Variants in LPAR3 observed in about 807,000 individuals in gnomAD.
LPAR3 encodes LPA receptor 3.
In LPAR3, 7 loss-of-function variants were observed where a neutral mutation model predicts 17.8. The observed-to-expected ratio is 0.39, with a 90% CI of 0.22 to 0.74. The LOEUF (loss-of-function observed/expected upper bound fraction) is 0.74, where lower values mean the gene tolerates loss of function less well. Ranked by LOEUF, LPAR3 falls within the 30% of genes least tolerant of loss-of-function variation. LPAR3 has a pLI of 0.40. For synonymous variants in LPAR3, 179 were observed against 179.9 expected, an observed-to-expected ratio of 0.99 and a Z score of 0.04; for missense variants, 391 against 453.4, an observed-to-expected ratio of 0.86 and a Z score of 1.25.
At chr1:84,863,843 T>A (rs1659987655) in intron 2 of LPAR3, among the ~76,000 whole-genome samples, 1 of 152,204 alleles carries the variant, frequency 6.6e-6, no homozygotes, top group Non-Finnish European at 1.5e-5. Context: ...TCATCTTGGT[T>A]AATGACATTC....
intron 2 of LPAR3, among the ~76,000 whole-genome samples, chr1:84,855,969 G>A (rs1279270852): frequency 6.6e-6 from 1 of 152,160 alleles, no homozygotes; most frequent in Non-Finnish European, 1.5e-5. Flanking sequence ...TTTTTAATTT[G>A]AAGCTGTCTT....
chr1:84,887,184 G>T (rs1024498222), intron 1 of LPAR3, among the ~76,000 whole-genome samples: 1 of 150,696 alleles, frequency 6.6e-6, no homozygotes, highest in Admixed American at 6.6e-5. Flanking sequence ...GGGCACCATG[G>T]TGAAACCAAC....
intron 1 of LPAR3, among the ~76,000 whole-genome samples, chr1:84,874,095 G>C (rs1324906163): frequency 2.0e-5 from 3 of 152,182 alleles, no homozygotes; most frequent in African/African-American, 7.2e-5. Flanking sequence ...AAATTGCTCT[G>C]ATCTGGATCC....
intron 2 of LPAR3, among the ~76,000 whole-genome samples, chr1:84,819,248 T>C (rs1570854580): frequency 6.6e-6 from 1 of 152,204 alleles, no homozygotes; most frequent in African/African-American, 2.4e-5. Context: ...TAACCCTCTC[T>C]TGAGAATAGC....
rs56944245 is a variant in LPAR3 at position 84,891,725 on chromosome 1, T to C, written c.-19+1291A>G. Among the ~76,000 whole-genome samples, 976 of 152,240 alleles carry C rather than the reference T, an allele frequency of 6.4e-3. 9 individuals carry two copies. Among genetic ancestry groups the C allele is most frequent in the African/African-American group, 0.022 (916 of 41,534 alleles). On this transcript the variant is annotated intron_variant, in intron 1 of 2. Transcript: ENST00000370611. ...GTACATGGAATTTGTAAAGAGGAGA[T>C]TGATTGTCTGTCTGTAATTGACATT...
chr1:84,888,253 G>A (rs1012822798), intron 1 of LPAR3, among the ~76,000 whole-genome samples: 1 of 151,934 alleles, frequency 6.6e-6, no homozygotes, highest in Non-Finnish European at 1.5e-5. Context: ...CTAATGCCAT[G>A]GAGACATAGA....
intron 2 of LPAR3, among the ~76,000 whole-genome samples, chr1:84,827,380 G>C (rs111528521): frequency 7.1e-4 from 108 of 152,158 alleles, no homozygotes; most frequent in African/African-American, 2.6e-3. Flanking sequence ...ATGGGGGTAG[G>C]GGTTGTTAAA....
At chr1:84,868,936 G>A (rs1429255052) in intron 1 of LPAR3, among the ~76,000 whole-genome samples, 1 of 152,076 alleles carries the variant, frequency 6.6e-6, no homozygotes, top group African/African-American at 2.4e-5. Context: ...CAATTATTAT[G>A]TGTCTTTTCT....
intron 1 of LPAR3, among the ~76,000 whole-genome samples, chr1:84,887,475 A>T (rs1475905012): frequency 6.6e-6 from 1 of 152,160 alleles, no homozygotes; most frequent in Non-Finnish European, 1.5e-5. Flanking sequence ...GTACAGGTTT[A>T]ATGAGGAACA....
At chr1:84,892,197 T>C (rs1217271722) in intron 1 of LPAR3, among the ~76,000 whole-genome samples, 1 of 150,016 alleles carries the variant, frequency 6.7e-6, no homozygotes, top group East Asian at 2.0e-4. Context: ...CGGATGATAG[T>C]GCGAGACTGT....
intron 2 of LPAR3, among the ~76,000 whole-genome samples, chr1:84,850,232 T>G (rs1235936157): frequency 6.6e-6 from 1 of 151,750 alleles, no homozygotes; most frequent in Non-Finnish European, 1.5e-5. Flanking sequence ...CCCTCCCATG[T>G]AACCAGCCAC....
chr1:84,879,309 C>CTTTTTTTTTTTT (rs1199196149), intron 1 of LPAR3, among the ~76,000 whole-genome samples: 1 of 73,504 alleles, frequency 1.4e-5, no homozygotes, highest in African/African-American at 8.2e-5. Flanking sequence ...CTTTTCTTTT[C>CTTTTTTTTTTTT]TTTTTTCTTT....
chr1:84,835,466 C>T (rs547602095), intron 2 of LPAR3, among the ~76,000 whole-genome samples: 17 of 152,084 alleles, frequency 1.1e-4, no homozygotes, highest in African/African-American at 2.9e-4. Context: ...CGTGTGTGTA[C>T]GTGTGTGTAC....
chr1:84,875,634 T>C (rs1660242254), intron 1 of LPAR3, among the ~76,000 whole-genome samples: 1 of 152,254 alleles, frequency 6.6e-6, no homozygotes. Flanking sequence ...TTATTTTCTT[T>C]ATAAATTACC....
intron 1 of LPAR3, among the ~76,000 whole-genome samples, chr1:84,880,925 T>C (rs974168105): frequency 3.3e-5 from 5 of 152,226 alleles, no homozygotes; most frequent in African/African-American, 1.2e-4. Flanking sequence ...ACCATGGAAC[T>C]GACTCCACTG....
chr1:84,871,023 A>T (rs1570898477), intron 1 of LPAR3, among the ~76,000 whole-genome samples: 1 of 152,154 alleles, frequency 6.6e-6, no homozygotes, highest in Non-Finnish European at 1.5e-5. Flanking sequence ...TTTTCTGAAA[A>T]TATGTTTTCA....
chr1:84,883,290 A>G (rs35604148), intron 1 of LPAR3, among the ~76,000 whole-genome samples: 2 of 152,170 alleles, frequency 1.3e-5, no homozygotes, highest in African/African-American at 4.8e-5. Flanking sequence ...GACCAAAGGA[A>G]GAATCCTTTC....
At chr1:84,873,192 C>A (rs753030629) in intron 1 of LPAR3, among the ~76,000 whole-genome samples, 37 of 152,122 alleles carry the variant, frequency 2.4e-4, no homozygotes, top group Non-Finnish European at 3.7e-4. Flanking sequence ...CTAAGGAAAT[C>A]TAAACAAAGT....
At chr1:84,884,480 T>G (rs550240419) in intron 1 of LPAR3, among the ~76,000 whole-genome samples, 3 of 152,208 alleles carry the variant, frequency 2.0e-5, no homozygotes, top group Admixed American at 6.5e-5. Context: ...CTCCTTAGAG[T>G]TTTTGGTAAG....
Sources: allele counts gnomAD v4.1 joint callset (sites outside exome capture counted in the v4.1 genomes callset), GRCh38; gene constraint gnomAD v4.1.1; transcripts MANE v1.5; gene names NCBI Gene and HGNC (gene_info 2026-07-23, HGNC 2026-07-21).